UTRN: variants seen among roughly 807,000 people sequenced by gnomAD.
UTRN encodes the protein utrophin.
Under a neutral mutation model 463.9 loss-of-function variants are expected in UTRN, and 283 were observed. The observed-to-expected ratio is 0.61, with a 90% confidence interval of 0.55 to 0.67. The LOEUF is 0.67. Among genes scored for constraint, UTRN ranks in the 30% least tolerant of loss-of-function variants. The pLI, the probability that UTRN is intolerant of heterozygous loss-of-function variation, is 0.00. For synonymous variants in UTRN, 1,442 were observed against 1,431.5 expected (o/e 1.01, Z -0.17); for missense variants, 3,922 against 4,084.3 (o/e 0.96, Z 1.08).
intron 63 of UTRN, among the ~76,000 whole-genome samples, chr6:144,795,308 T>C (rs1302613044): frequency 6.6e-6 from 1 of 152,204 alleles, no homozygotes; most frequent in Non-Finnish European, 1.5e-5. Context: ...TCTTTGCTAT[T>C]GTGAATAGTG....
intron 2 of UTRN, among the ~76,000 whole-genome samples, chr6:144,351,462 G>C (rs1369689209): frequency 2.6e-5 from 4 of 152,196 alleles, no homozygotes; most frequent in Non-Finnish European, 4.4e-5. Context: ...TCCAGTAAAT[G>C]GCAGGAAATA....
At chr6:144,473,141 C>T (rs1234964310) in intron 23 of UTRN, among the ~76,000 whole-genome samples, 1 of 152,140 alleles carries the variant, frequency 6.6e-6, no homozygotes, top group African/African-American at 2.4e-5. Flanking sequence ...AAAATGTTTG[C>T]TTTCACATTT....
chr6:144,540,039 T>A (rs1327190549), intron 45 of UTRN, among the ~76,000 whole-genome samples: 30 of 104,506 alleles, frequency 2.9e-4, no homozygotes, highest in African/African-American at 1.4e-3. Flanking sequence ...GGAGACCCTG[T>A]CTCAAAAAAA....
chr6:144,505,330 C>T (rs1794606358), intron 34 of UTRN, among the ~76,000 whole-genome samples: 1 of 151,988 alleles, frequency 6.6e-6, no homozygotes, highest in Non-Finnish European at 1.5e-5. Context: ...TCTTGCTTCT[C>T]TAGTTCTTTT....
At chr6:144,777,069 C>G (rs915742670) in intron 60 of UTRN, among the ~76,000 whole-genome samples, 1 of 152,094 alleles carries the variant, frequency 6.6e-6, no homozygotes, top group Non-Finnish European at 1.5e-5. Flanking sequence ...GCTTCTCCAT[C>G]ATGGGATGGA....
chr6:144,586,992 A>G (rs1479508079), intron 51 of UTRN, among the ~76,000 whole-genome samples: 1 of 152,190 alleles, frequency 6.6e-6, no homozygotes, highest in Non-Finnish European at 1.5e-5. Context: ...CTAGCTGTAT[A>G]TAGATGTGTA....
chr6:144,459,047 T>C, intron 20 of UTRN, 36 bp downstream of exon 20: 1 of 1,574,688 alleles, frequency 6.4e-7, no homozygotes, highest in Non-Finnish European at 8.6e-7. Flanking sequence ...GGAGGAATTC[T>C]ATGTGCAGTT....
At chr6:144,802,659 C>CT (rs1365626165) in intron 64 of UTRN, among the ~76,000 whole-genome samples, 6 of 151,852 alleles carry the variant, frequency 4.0e-5, no homozygotes, top group African/African-American at 7.3e-5. Context: ...TTCTTGATTT[C>CT]TTTTTTTTCT....
intron 25 of UTRN, among the ~76,000 whole-genome samples, chr6:144,477,608 A>G (rs530394932): frequency 6.6e-6 from 1 of 152,124 alleles, no homozygotes; most frequent in Admixed American, 6.6e-5. Flanking sequence ...AGTTGAAAAC[A>G]TCATGACACT....
At chr6:144,336,904 A>G (rs572787412) in intron 2 of UTRN, among the ~76,000 whole-genome samples, 1 of 152,230 alleles carries the variant, frequency 6.6e-6, no homozygotes, top group South Asian at 2.1e-4. Context: ...TGACTGCTTT[A>G]AGCAGCCAGT....
At position 144,782,638 on chromosome 6, in the gene UTRN, A is replaced by T. The variant is rs114972857; in HGVS notation, c.8834+515A>T. Among the ~76,000 whole-genome samples, 1,305 of 149,384 alleles carry T rather than the reference A, an allele frequency of 8.7e-3. 14 individuals carry two copies. Among genetic ancestry groups the T allele is most frequent in the African/African-American group, 0.027 (1,121 of 40,800 alleles). On this transcript the variant is annotated intron_variant, in intron 61 of 74. Transcript: ENST00000367545. ...GTTATGTGTGTGTGTATATATATAT[A>T]ATATATATATATATGGTGTTTTAAA... is the stretch of plus-strand genomic sequence containing the variant.
At chr6:144,371,417 G>A (rs1227881203) in intron 2 of UTRN, among the ~76,000 whole-genome samples, 1 of 150,990 alleles carries the variant, frequency 6.6e-6, no homozygotes, top group Non-Finnish European at 1.5e-5. Flanking sequence ...TTATTTATGT[G>A]CTTATGTTTT....
chr6:144,481,656 C>T (rs945621050), intron 26 of UTRN, among the ~76,000 whole-genome samples: 5 of 152,274 alleles, frequency 3.3e-5, no homozygotes, highest in African/African-American at 1.2e-4. Context: ...AGTAAACATA[C>T]TTTGGATAAC....
At chr6:144,468,741 G>C (rs1790200570) in intron 23 of UTRN, among the ~76,000 whole-genome samples, 1 of 152,110 alleles carries the variant, frequency 6.6e-6, no homozygotes, top group African/African-American at 2.4e-5. Flanking sequence ...TTTCATGTGA[G>C]CTCTTTGACG....
chr6:144,465,813 T>C (rs1789902146), intron 23 of UTRN, among the ~76,000 whole-genome samples: 1 of 152,200 alleles, frequency 6.6e-6, no homozygotes, highest in South Asian at 2.1e-4. Context: ...CATTTAATTA[T>C]TTTTGTCTTT....
At chr6:144,435,339 A>G (rs1169366902) in intron 9 of UTRN, among the ~76,000 whole-genome samples, 1 of 152,162 alleles carries the variant, frequency 6.6e-6, no homozygotes, top group East Asian at 1.9e-4. Flanking sequence ...GGTTGATAGA[A>G]ATTTATTCCA....
In UTRN at chr6:144,485,417, C is replaced by T. The variant is rs776253610; in HGVS notation, c.3720C>T (p.His1240=). ...GGTCTTGTTGGATTGAACTGCTTCA[C>T]TATTTGGATCTTGAAACTACCTGGT... is the stretch of plus-strand genomic sequence containing the variant. The part of the protein sequence containing the change: ...EVWSCWIELL[H]YLDLETTWLN... Residue 1240 remains histidine (H), a synonymous_variant, in exon 28 of 75, where the codon CAC becomes CAT. Coordinates refer to ENST00000367545, the MANE Select transcript of UTRN (RefSeq NM_007124.3). 5.3e-5 allele frequency: 85 copies of T among 1,614,102 alleles called. No homozygotes were observed. The highest frequency in any genetic ancestry group is 7.0e-5 in the Non-Finnish European group (83 of 1,180,010).
At chr6:144,729,369 A>G (rs1018484373) in intron 53 of UTRN, among the ~76,000 whole-genome samples, 1 of 152,184 alleles carries the variant, frequency 6.6e-6, no homozygotes, top group Admixed American at 6.5e-5. Context: ...ATCTCAACAT[A>G]GTGATGTCAA....
chr6:144,554,966 T>A, intron 49 of UTRN, 73 bp downstream of exon 49: 1 of 1,484,320 alleles, frequency 6.7e-7, no homozygotes, highest in Non-Finnish European at 9.2e-7. Context: ...TCACTGTAAT[T>A]CTTAACAATA....
Sources: allele counts gnomAD v4.1 joint callset (sites outside exome capture counted in the v4.1 genomes callset), GRCh38; gene constraint gnomAD v4.1.1; transcripts MANE v1.5; gene names NCBI Gene and HGNC (gene_info 2026-07-23, HGNC 2026-07-21).